NRG3: variants seen among roughly 807,000 people sequenced by gnomAD.
NRG3 encodes the protein neuregulin 3.
A neutral mutation model predicts 66.9 loss-of-function variants in NRG3; 31 were observed. The ratio of observed to expected loss-of-function variants is 0.46; its 90% CI spans 0.35 to 0.63. The LOEUF is 0.63. Among genes scored for constraint, NRG3 ranks in the 20% least tolerant of loss-of-function variants. NRG3 has a pLI of 0.00. For missense variants in NRG3, 910 were observed against 878.9 expected (o/e 1.04, Z -0.45); for synonymous variants, 393 against 359.4 (o/e 1.09, Z -1.06).
chr10:82,820,502 C>T (rs1267510909), intron 3 of NRG3, among the ~76,000 whole-genome samples: 2 of 152,108 alleles, frequency 1.3e-5, no homozygotes, highest in Non-Finnish European at 2.9e-5. Context: ...CCTACATAGT[C>T]TGGGCCCGGA....
At chr10:82,725,652 A>G (rs149670589) in intron 2 of NRG3, among the ~76,000 whole-genome samples, 1,537 of 152,306 alleles carry the variant, frequency 0.01, 24 homozygotes, top group African/African-American at 0.035. Flanking sequence ...AATAAAATAC[A>G]GTACACCTGT....
chr10:82,619,849 A>C (rs539486948), intron 2 of NRG3, among the ~76,000 whole-genome samples: 1 of 152,182 alleles, frequency 6.6e-6, no homozygotes, highest in Non-Finnish European at 1.5e-5. Context: ...GCAGAAACCA[A>C]TACTGCTGAC....
At chr10:82,931,687 T>C (rs984701681) in intron 4 of NRG3, among the ~76,000 whole-genome samples, 1 of 152,146 alleles carries the variant, frequency 6.6e-6, no homozygotes, top group Non-Finnish European at 1.5e-5. Flanking sequence ...TTGTTTTGCT[T>C]TGTTGTTGTT....
intron 1 of NRG3, among the ~76,000 whole-genome samples, chr10:81,891,727 G>A: frequency 6.6e-6 from 1 of 152,306 alleles, no homozygotes; most frequent in Middle Eastern, 3.4e-3. Flanking sequence ...GGATGCCCCT[G>A]CCTAGTTTGG....
chr10:82,785,673 G>A (rs766121238), intron 3 of NRG3, among the ~76,000 whole-genome samples: 1 of 152,158 alleles, frequency 6.6e-6, no homozygotes, highest in South Asian at 2.1e-4. Flanking sequence ...AAATCTTTAA[G>A]CAGCAAAGTG....
intron 1 of NRG3, among the ~76,000 whole-genome samples, chr10:82,134,078 G>C (rs2069140557): frequency 6.6e-6 from 1 of 151,916 alleles, no homozygotes; most frequent in South Asian, 2.1e-4. Context: ...AGAAGTGTCT[G>C]TTCATGTCCT....
chr10:82,831,626 C>T (rs2062528663), intron 3 of NRG3, among the ~76,000 whole-genome samples: 1 of 151,984 alleles, frequency 6.6e-6, no homozygotes, highest in Non-Finnish European at 1.5e-5. Context: ...ACCAGCCTGA[C>T]CAACAGGGTG....
intron 2 of NRG3, among the ~76,000 whole-genome samples, chr10:82,519,960 A>T (rs939927067): frequency 6.6e-6 from 1 of 152,144 alleles, no homozygotes; most frequent in Non-Finnish European, 1.5e-5. Flanking sequence ...GTAGGGAGGC[A>T]ACAGAAATTT....
intron 4 of NRG3, among the ~76,000 whole-genome samples, chr10:82,950,371 A>C (rs1849407191): frequency 6.6e-6 from 1 of 152,176 alleles, no homozygotes; most frequent in Non-Finnish European, 1.5e-5. Context: ...AGTAGTGTGG[A>C]GACGATATGG....
intron 2 of NRG3, among the ~76,000 whole-genome samples, chr10:82,729,539 C>A (rs1249641036): frequency 6.6e-6 from 1 of 151,962 alleles, no homozygotes; most frequent in Non-Finnish European, 1.5e-5. Flanking sequence ...CGCTATGCAC[C>A]CTGAAGTGTA....
intron 1 of NRG3, among the ~76,000 whole-genome samples, chr10:82,091,232 C>T (rs750181862): frequency 3.9e-5 from 6 of 152,048 alleles, no homozygotes; most frequent in South Asian, 2.1e-4. Context: ...CACAATGTCG[C>T]GTAACTATTA....
intron 2 of NRG3, among the ~76,000 whole-genome samples, chr10:82,563,323 C>T (rs1260717053): frequency 2.0e-5 from 3 of 151,998 alleles, no homozygotes; most frequent in Admixed American, 6.6e-5. Flanking sequence ...GACATATTTT[C>T]CCCTCAGGGT....
intron 2 of NRG3, among the ~76,000 whole-genome samples, chr10:82,371,709 T>C (rs2084907370): frequency 6.6e-6 from 1 of 152,160 alleles, no homozygotes; most frequent in African/African-American, 2.4e-5. Flanking sequence ...AGGTTCATGA[T>C]TGGGCATCTG....
intron 3 of NRG3, among the ~76,000 whole-genome samples, chr10:82,791,880 A>G (rs2060603334): frequency 6.6e-6 from 1 of 152,166 alleles, no homozygotes; most frequent in Non-Finnish European, 1.5e-5. Context: ...AAAAAGTGAC[A>G]GTTCTTCAGT....
At chr10:82,370,688 T>G (rs1461084146) in intron 2 of NRG3, among the ~76,000 whole-genome samples, 1 of 152,166 alleles carries the variant, frequency 6.6e-6, no homozygotes, top group Non-Finnish European at 1.5e-5. Context: ...CCCAACTCTG[T>G]GTCAGTGCAC....
At chr10:82,443,561 C>T (rs2090556059) in intron 2 of NRG3, among the ~76,000 whole-genome samples, 1 of 152,114 alleles carries the variant, frequency 6.6e-6, no homozygotes, top group Admixed American at 6.5e-5. Context: ...ACTTCAAGAA[C>T]TCTAGTAATT....
intron 3 of NRG3, among the ~76,000 whole-genome samples, chr10:82,827,479 A>T (rs1316784675): frequency 6.6e-6 from 1 of 152,184 alleles, no homozygotes; most frequent in Non-Finnish European, 1.5e-5. Flanking sequence ...GGCTCCATTC[A>T]GAGGAATAGC....
At chr10:82,386,993 T>G (rs956305259) in intron 2 of NRG3, among the ~76,000 whole-genome samples, 26 of 152,248 alleles carry the variant, frequency 1.7e-4, no homozygotes, top group African/African-American at 6.3e-4. Flanking sequence ...AGATATGGGA[T>G]CTCACCATGT....
chr10:82,924,067 C>A (rs1361772720), intron 4 of NRG3, among the ~76,000 whole-genome samples: 8 of 112,204 alleles, frequency 7.1e-5, no homozygotes, highest in African/African-American at 2.9e-4. Context: ...CCAGCCTGGG[C>A]AACATAGCGA....
Sources: allele counts gnomAD v4.1 joint callset (sites outside exome capture counted in the v4.1 genomes callset), GRCh38; gene constraint gnomAD v4.1.1; transcripts MANE v1.5; gene names NCBI Gene and HGNC (gene_info 2026-07-23, HGNC 2026-07-21).